PCDHGA1: variants seen among roughly 807,000 people sequenced by gnomAD.
The protein encoded by PCDHGA1 is protocadherin gamma-A1.
A neutral mutation model predicts 58.0 loss-of-function variants in PCDHGA1; 32 were observed. That is an observed-to-expected ratio of 0.55 (90% CI 0.42 to 0.74). PCDHGA1 has a LOEUF of 0.74. Among genes scored for constraint, PCDHGA1 ranks in the 30% least tolerant of loss-of-function variants. The probability of loss-of-function intolerance (pLI) is 0.00; values close to 1 mark genes in which losing one functional copy is unlikely to be tolerated. For missense variants in PCDHGA1, 1,205 were observed against 1,182.3 expected (o/e 1.02, Z -0.28); for synonymous variants, 498 against 501.1 (o/e 0.99, Z 0.08).
chr5:141,370,833 C>G (rs1305609320), intron 1 of PCDHGA1: 2 of 1,614,064 alleles, frequency 1.2e-6, no homozygotes. Context: ...CGAACTGGCT[C>G]TCACTGGAGC....
intron 1 of PCDHGA1, chr5:141,362,285 T>C (rs780234982): frequency 6.2e-7 from 1 of 1,614,016 alleles, no homozygotes; most frequent in Non-Finnish European, 8.5e-7. Flanking sequence ...CGCCTGCGAC[T>C]CTCTTCCAGG....
In PCDHGA1 at chr5:141,375,764, G is replaced by A. The variant is rs746447899; in HGVS notation, c.2421+42659G>A. 1.7e-5 allele frequency: 27 copies of A among 1,614,116 alleles called. No individual in the cohort carries two copies. The highest frequency in any genetic ancestry group is 2.0e-5 in the Non-Finnish European group (24 of 1,180,044). ...GCTGGACCAGAATGACAATGCGCCCGAGATCCTGTACCCCGCCCTCCCCAC... is the reference window on the plus strand; with the variant it reads ...GCTGGACCAGAATGACAATGCGCCCAAGATCCTGTACCCCGCCCTCCCCAC... On this transcript the variant is annotated intron_variant, in intron 1 of 3. Transcript: ENST00000517417.
At chr5:141,497,203 G>C (rs750138875) in intron 2 of PCDHGA1, among the ~76,000 whole-genome samples, 3 of 91,718 alleles carry the variant, frequency 3.3e-5, no homozygotes, top group African/African-American at 2.8e-4. Flanking sequence ...AACAATGTGA[G>C]TGTAATGGGG....
intron 1 of PCDHGA1, chr5:141,341,473 G>C: frequency 1.3e-6 from 2 of 1,589,370 alleles, no homozygotes; most frequent in South Asian, 2.3e-5. Flanking sequence ...TATCTATTTT[G>C]TTCCCCATAT....
In PCDHGA1 at chr5:141,339,815, G is replaced by A. The variant is rs1756880675; in HGVS notation, c.2421+6710G>A. On this transcript the variant is annotated intron_variant, in intron 1 of 3. Transcript: ENST00000517417. ...CTACGCTCAAGTGGTATATTTTCTA[G>A]AGAAAAGCCCTGGAGAAACCTCAGA... 4 of 1,614,196 alleles carry A rather than the reference G, an allele frequency of 2.5e-6. No individual in the cohort carries two copies. In the East Asian group the frequency reaches 6.7e-5, roughly 27 times the overall value.
chr5:141,478,977 T>G (rs1004184325), intron 1 of PCDHGA1, among the ~76,000 whole-genome samples: 12 of 152,210 alleles, frequency 7.9e-5, no homozygotes, highest in Admixed American at 5.2e-4. Flanking sequence ...TTCAAGTGAT[T>G]GTGACATTTG....
chr5:141,389,741 G>A, intron 1 of PCDHGA1: 2 of 1,612,676 alleles, frequency 1.2e-6, no homozygotes, highest in African/African-American at 1.3e-5. Context: ...GCCTGGGGCT[G>A]CGCACGGGCG....
Position 141,491,507 on chromosome 5 carries a change from C to G in PCDHGA1, c.2422-3300C>G, listed in dbSNP as rs755899622. The stretch of plus-strand genomic sequence containing the variant: ...AACCTGCAGGTGAGCTCGGACGGCA[C>G]GCTCAAGTACATGGAGGTGACGCTG... On this transcript the variant is annotated intron_variant, in intron 1 of 3. Coordinates refer to ENST00000517417, the MANE Select transcript of PCDHGA1 (RefSeq NM_018912.3). This position sits in a 1 kb window ranked among gnomAD's most constrained non-coding sequence, Gnocchi z 6.9. 1.5e-5 allele frequency: 24 copies of G among 1,614,038 alleles called. No individual in the cohort carries two copies. The highest frequency in any genetic ancestry group is 2.0e-5 in the Non-Finnish European group (24 of 1,180,016).
intron 1 of PCDHGA1, chr5:141,350,672 G>C: frequency 6.2e-7 from 1 of 1,614,014 alleles, no homozygotes; most frequent in Non-Finnish European, 8.5e-7. Flanking sequence ...CATTGACTTA[G>C]AAATTTGTGA....
intron 1 of PCDHGA1, chr5:141,403,542 A>T (rs561106024): frequency 1.2e-6 from 2 of 1,613,990 alleles, no homozygotes; most frequent in East Asian, 4.5e-5. Context: ...CTGGTGCTGG[A>T]GCGCGCCCTG....
intron 1 of PCDHGA1, among the ~76,000 whole-genome samples, chr5:141,434,029 A>C (rs970204484): frequency 2.6e-5 from 4 of 152,126 alleles, no homozygotes; most frequent in Admixed American, 2.6e-4. Context: ...TTCTGGAAGC[A>C]TGGTTTTCTA....
chr5:141,485,106 T>C lies in PCDHGA1; in HGVS notation c.2422-9701T>C, dbSNP rs2099607051. The C allele has an allele frequency of 3.3e-6, 4 of 1,206,448 alleles. No homozygotes were observed. Among genetic ancestry groups the C allele is most frequent in the Non-Finnish European group, 4.8e-6 (4 of 828,284 alleles). 74.7% of individuals were successfully genotyped at this position (1,206,448 alleles called of 1,614,324 possible). ...GGGAGATAGGTGTCTCCAGCTGCTGTGGCTGTTTGGGGCGGGTCGGCTTCA... is the reference window on the plus strand; with the variant it reads ...GGGAGATAGGTGTCTCCAGCTGCTGCGGCTGTTTGGGGCGGGTCGGCTTCA... On this transcript the variant is annotated intron_variant, in intron 1 of 3. Coordinates refer to ENST00000517417, the MANE Select transcript of PCDHGA1 (RefSeq NM_018912.3). This position sits in a 1 kb window ranked among gnomAD's most constrained non-coding sequence, Gnocchi z 5.7.
chr5:141,489,101 T>A lies in PCDHGA1; in HGVS notation c.2422-5706T>A. 2 of 398,380 alleles carry A rather than the reference T, an allele frequency of 5.0e-6. No individual in the cohort carries two copies. Among genetic ancestry groups the A allele is most frequent in the Non-Finnish European group, 9.0e-6 (2 of 223,310 alleles). The allele number at this position is 398,380 out of a possible 1,614,324, so 24.7% of individuals were successfully genotyped here. ...CCGCCACTCGGTGACTAAGAACTGC[T>A]GCAAGCAGGCAAACCTCCGAGCAGT... On this transcript the variant is annotated intron_variant, in intron 1 of 3. Coordinates refer to ENST00000517417, the MANE Select transcript of PCDHGA1 (RefSeq NM_018912.3). This position sits in a 1 kb window ranked among gnomAD's most constrained non-coding sequence, Gnocchi z 4.5.
intron 1 of PCDHGA1, among the ~76,000 whole-genome samples, chr5:141,335,952 A>G (rs1756590356): frequency 6.6e-6 from 1 of 152,224 alleles, no homozygotes; most frequent in Non-Finnish European, 1.5e-5. Flanking sequence ...ACTAAAACTA[A>G]TTAGGAGTAA....
At chr5:141,338,989 G>C (rs1241104082) in intron 1 of PCDHGA1, 1 of 1,544,254 alleles carries the variant, frequency 6.5e-7, no homozygotes, top group Admixed American at 2.1e-5. Context: ...CTCTGCAAAA[G>C]TTGCCACACT....
intron 1 of PCDHGA1, chr5:141,361,874 G>T: frequency 6.2e-7 from 1 of 1,611,062 alleles, no homozygotes; most frequent in Non-Finnish European, 8.5e-7. Context: ...ATGGTGCCAC[G>T]CGCCGCAGAG....
chr5:141,399,459 C>T (rs897098728), intron 1 of PCDHGA1: 6 of 1,613,894 alleles, frequency 3.7e-6, no homozygotes, highest in Non-Finnish European at 5.1e-6. Context: ...TCAACGATAA[C>T]GCTCCGGTTT....
At chr5:141,369,706 T>G (rs973435309) in intron 1 of PCDHGA1, among the ~76,000 whole-genome samples, 2 of 152,204 alleles carry the variant, frequency 1.3e-5, no homozygotes, top group Admixed American at 1.3e-4. Context: ...AGCTATGACA[T>G]TATAACTTTT....
intron 1 of PCDHGA1, chr5:141,371,837 G>A: frequency 6.2e-7 from 1 of 1,613,710 alleles, no homozygotes; most frequent in South Asian, 1.1e-5. Context: ...ATCCCGACTT[G>A]GGACCTAATG....
Sources: gnomAD v4.1 joint callset for allele counts (sites outside exome capture counted in the v4.1 genomes callset) on GRCh38, gnomAD v4.1.1 for gene constraint, Gnocchi (gnomAD v3.1) non-coding constraint, MANE v1.5 for transcripts, NCBI Gene and HGNC (gene_info 2026-07-23, HGNC 2026-07-21) for gene names.